The following SPDYA variants were observed in gnomAD, a reference collection of about 807,000 sequenced individuals.
SPDYA encodes speedy/RINGO cell cycle regulator family member A.
Under a neutral mutation model 36.7 loss-of-function variants are expected in SPDYA, and 11 were observed. The ratio of observed to expected loss-of-function variants is 0.30; its 90% CI spans 0.19 to 0.50. SPDYA has a LOEUF of 0.50. Ranked by LOEUF, SPDYA falls within the 20% of genes least tolerant of loss-of-function variation. The pLI is 0.98. For synonymous variants in SPDYA, 115 were observed against 118.7 expected (o/e 0.97, Z 0.20); for missense variants, 287 against 370.9 (o/e 0.77, Z 1.86).
At chr2:28,813,090 T>C (rs1389329478) in intron 1 of SPDYA, among the ~76,000 whole-genome samples, 2 of 152,194 alleles carry the variant, frequency 1.3e-5, no homozygotes, top group Non-Finnish European at 2.9e-5. Context: ...CTAGCATTGA[T>C]AGCTTCTCTC....
chr2:28,824,884 AT>A (rs1668279953), intron 5 of SPDYA, among the ~76,000 whole-genome samples: 1 of 152,102 alleles, frequency 6.6e-6, no homozygotes, highest in African/African-American at 2.4e-5. Context: ...CAGGAGATAT[AT>A]TTTCCAGTGC....
At chr2:28,823,362 C>T (rs1447945876) in intron 5 of SPDYA, among the ~76,000 whole-genome samples, 1 of 152,038 alleles carries the variant, frequency 6.6e-6, no homozygotes, top group Non-Finnish European at 1.5e-5. Context: ...GTGGCTCACG[C>T]CTGTAATCCC....
Position 28,811,386 on chromosome 2 carries a change from T to C in SPDYA, c.-93+439T>C, listed in dbSNP as rs1225893555. 1.3e-5 allele frequency among the ~76,000 whole-genome samples: 2 copies of C among 152,176 alleles called. No individual in the cohort carries two copies. The highest frequency in any genetic ancestry group is 2.9e-5 in the Non-Finnish European group (2 of 68,026). On this transcript the variant is annotated intron_variant, in intron 1 of 7. Coordinates refer to ENST00000334056, the MANE Select transcript of SPDYA (RefSeq NM_182756.4). The surrounding 1 kb of genome is among the most constrained non-coding windows in gnomAD (Gnocchi z 4.2). ...AGGAATGGAGATTTGGGGGGTCTTT[T>C]TGATAAATCCTACCTCCTTATGTCC...
chr2:28,822,857 C>T lies in SPDYA; in HGVS notation c.380+447C>T, dbSNP rs141699198. Among the ~76,000 whole-genome samples, 1,371 of 152,286 alleles carry T rather than the reference C, an allele frequency of 9.0e-3. 22 individuals are homozygous for T. The highest frequency in any genetic ancestry group is 0.031 in the African/African-American group (1,305 of 41,552). On this transcript the variant is annotated intron_variant, in intron 5 of 7. Transcript: ENST00000334056. The stretch of plus-strand genomic sequence containing the variant: ...TCCTGACCTCGTGATCTGCCCGCCT[C>T]GGCCTTCCAAGGTGCTGGGATTACA...
chr2:28,849,326 C>T (rs1356567634), intron 7 of SPDYA, among the ~76,000 whole-genome samples: 1 of 152,114 alleles, frequency 6.6e-6, no homozygotes, highest in African/African-American at 2.4e-5. Context: ...GAGTCTCGCC[C>T]TGTCACCCAG....
intron 5 of SPDYA, among the ~76,000 whole-genome samples, chr2:28,826,680 T>G (rs1490795412): frequency 7.5e-6 from 1 of 132,856 alleles, no homozygotes; most frequent in South Asian, 2.7e-4. Context: ...AGTGGTGTGA[T>G]CTCAGCTCAC....
At position 28,849,924 on chromosome 2, in the gene SPDYA, A is replaced by G. The variant is rs1668998387; in HGVS notation, c.925A>G (p.Thr309Ala). The change falls in exon 8 of 8, where the codon ACA becomes GCA. Residue 309 changes from threonine (T) to alanine (A), a missense_variant. Coordinates refer to ENST00000334056, the MANE Select transcript of SPDYA (RefSeq NM_182756.4). ...GAAAGACAAATCTATGGAGTGGTTT[A>G]CAGGAAGTGAAGAATGAGATGGCCC... ...LKKDKSMEWFTGSEE is the reference protein window; with the variant it reads ...LKKDKSMEWFAGSEE The G allele has an allele frequency of 6.3e-7, 1 of 1,592,850 alleles. No homozygotes were observed. The highest frequency in any genetic ancestry group is 1.4e-5 in the African/African-American group (1 of 73,838).
chr2:28,829,396 T>A, intron 6 of SPDYA, 77 bp downstream of exon 6: 1 of 1,405,412 alleles, frequency 7.1e-7, no homozygotes, highest in Non-Finnish European at 9.6e-7. Flanking sequence ...TTAATGTGCT[T>A]CTAATGTTTT....
intron 3 of SPDYA, among the ~76,000 whole-genome samples, chr2:28,816,983 T>C (rs1476475624): frequency 1.3e-5 from 2 of 150,736 alleles, no homozygotes; most frequent in Non-Finnish European, 2.9e-5. Context: ...GTCTGGTAGA[T>C]TGTAGCTTGC....
intron 7 of SPDYA, among the ~76,000 whole-genome samples, chr2:28,848,444 A>G (rs1316250289): frequency 6.6e-6 from 1 of 152,116 alleles, no homozygotes; most frequent in Non-Finnish European, 1.5e-5. Flanking sequence ...CCTACTTAGC[A>G]TTCAGTTCTC....
chr2:28,824,479 AAAAAAAAAAAAAC>A (rs1172353345), intron 5 of SPDYA, among the ~76,000 whole-genome samples: 7 of 12,098 alleles, frequency 5.8e-4, no homozygotes, highest in Admixed American at 3.7e-3. Flanking sequence ...CTGTCAGGAG[AAAAAAAAAAAAAC>A]AAAAAAAAAA....
intron 3 of SPDYA, among the ~76,000 whole-genome samples, chr2:28,817,509 C>T (rs570334193): frequency 1.0e-4 from 15 of 150,550 alleles, no homozygotes; most frequent in Non-Finnish European, 1.2e-4. Flanking sequence ...TGCGGTGAGC[C>T]GAGATCGCAC....
chr2:28,833,046 G>A (rs1156915410), intron 6 of SPDYA, among the ~76,000 whole-genome samples: 2 of 152,050 alleles, frequency 1.3e-5, no homozygotes, highest in Non-Finnish European at 2.9e-5. Context: ...ATGTTGCCCA[G>A]GCCGGTCTCA....
chr2:28,848,521 T>TG (rs1422621250), intron 7 of SPDYA, among the ~76,000 whole-genome samples: 1 of 152,204 alleles, frequency 6.6e-6, no homozygotes, highest in East Asian at 1.9e-4. Flanking sequence ...TGTACTTCTT[T>TG]GGGGGGAATT....
intron 5 of SPDYA, among the ~76,000 whole-genome samples, chr2:28,828,781 T>A (rs898731548): frequency 2.6e-5 from 4 of 152,198 alleles, no homozygotes; most frequent in Admixed American, 6.5e-5. Flanking sequence ...GATTCATAAT[T>A]CATGGAGCAT....
chr2:28,826,370 C>G (rs990579894), intron 5 of SPDYA, among the ~76,000 whole-genome samples: 1 of 152,102 alleles, frequency 6.6e-6, no homozygotes, highest in African/African-American at 2.4e-5. Flanking sequence ...CTCCTGACCT[C>G]AGGTAATCCA....
chr2:28,824,339 T>C (rs1269423874), intron 5 of SPDYA, among the ~76,000 whole-genome samples: 1 of 151,638 alleles, frequency 6.6e-6, no homozygotes, highest in African/African-American at 2.4e-5. Context: ...TAGCCAGGCA[T>C]GGTGGCATGT....
At chr2:28,813,169 G>A (rs551258884) in intron 1 of SPDYA, among the ~76,000 whole-genome samples, 1 of 152,264 alleles carries the variant, frequency 6.6e-6, no homozygotes, top group African/African-American at 2.4e-5. Flanking sequence ...TCCACTTGGG[G>A]AATTTCAGAC....
intron 1 of SPDYA, among the ~76,000 whole-genome samples, chr2:28,813,501 C>T (rs941740049): frequency 3.3e-5 from 5 of 151,998 alleles, no homozygotes; most frequent in Admixed American, 3.3e-4. Flanking sequence ...CCACTGATAA[C>T]TCCATACTAG....
Sources: allele counts gnomAD v4.1 joint callset (sites outside exome capture counted in the v4.1 genomes callset), GRCh38; gene constraint gnomAD v4.1.1; non-coding constraint Gnocchi (gnomAD v3.1); transcripts MANE v1.5; gene names NCBI Gene and HGNC (gene_info 2026-07-23, HGNC 2026-07-21).